The following COL25A1 variants were observed in gnomAD, a reference collection of about 807,000 sequenced individuals.
COL25A1 encodes the protein collagen type XXV alpha 1 chain.
COL25A1 carries 103 observed loss-of-function variants against 128.4 expected under a neutral mutation model. The ratio of observed to expected loss-of-function variants is 0.80; its 90% confidence interval spans 0.68 to 0.94. The LOEUF is 0.94. Ranked by LOEUF, COL25A1 falls within the 40% of genes least tolerant of loss-of-function variation. COL25A1 has a pLI of 0.00. For missense variants in COL25A1, 745 were observed against 840.0 expected (o/e 0.89, Z 1.40); for synonymous variants, 279 against 277.2 (o/e 1.01, Z -0.06).
At chr4:108,984,421 C>G (rs1489888608) in intron 6 of COL25A1, among the ~76,000 whole-genome samples, 1 of 152,068 alleles carries the variant, frequency 6.6e-6, no homozygotes, top group African/African-American at 2.4e-5. Context: ...GTTGATGGGA[C>G]TGGGCGCCCT....
chr4:109,094,912 T>G (rs1765262824), intron 3 of COL25A1, among the ~76,000 whole-genome samples: 1 of 152,182 alleles, frequency 6.6e-6, no homozygotes, highest in African/African-American at 2.4e-5. Context: ...CAAGAACAAA[T>G]CAGCTTAAAT....
intron 6 of COL25A1, among the ~76,000 whole-genome samples, chr4:108,988,901 T>C (rs1033900819): frequency 7.9e-5 from 12 of 152,156 alleles, no homozygotes; most frequent in Non-Finnish European, 1.2e-4. Context: ...TAATTAACCC[T>C]ACCCTCATTT....
chr4:108,901,043 T>A (rs1419524644), intron 14 of COL25A1, 76 bp downstream of exon 14: 1 of 1,171,596 alleles, frequency 8.5e-7, no homozygotes, highest in African/African-American at 1.5e-5. Context: ...TTGTTAAAAA[T>A]TGTATTAAAT....
chr4:108,852,152 G>C, intron 26 of COL25A1, 84 bp downstream of exon 26: 1 of 1,074,736 alleles, frequency 9.3e-7, no homozygotes, highest in Non-Finnish European at 1.4e-6. Context: ...CATTTTGTAA[G>C]ACTGATTTTC....
At chr4:108,949,344 G>C (rs1749130258) in intron 8 of COL25A1, among the ~76,000 whole-genome samples, 2 of 152,006 alleles carry the variant, frequency 1.3e-5, no homozygotes, top group African/African-American at 4.8e-5. Context: ...TTTGAGTGAG[G>C]TATTCTTCTA....
At chr4:108,844,495 A>T in intron 30 of COL25A1, 24 bp downstream of exon 30, 3 of 1,614,088 alleles carry the variant, frequency 1.9e-6, no homozygotes, top group Non-Finnish European at 2.5e-6. Context: ...AAGCAATTAC[A>T]TTTCAGAAAG....
chr4:108,825,204 C>A lies in COL25A1; in HGVS notation c.1783G>T (p.Gly595Cys). 1 of 1,610,814 alleles carries A rather than the reference C, an allele frequency of 6.2e-7. No homozygotes were observed. Residue 595 changes from glycine (G) to cysteine (C), a missense_variant, in exon 34 of 38, where the codon GGT (glycine) becomes TGT (cysteine). Physicochemically the swap from Gly to Cys is radical, Grantham distance 159. Around this residue, in one of 3 missense-constraint regions of COL25A1, gnomAD observed 387 missense variants for 441.9 expected, o/e 0.88. Coordinates refer to ENST00000399132, the MANE Select transcript of COL25A1 (RefSeq NM_198721.4). ...TTGTACTTATTACTTACATCAAGAC[C>A]AGGCTCTCCATCTTTCCCCTGCCAA... The part of the protein sequence containing the change: ...YGLPGKDGEP[G>C]LDGFPGPRGE...
At chr4:109,074,386 A>G (rs1286921899) in intron 3 of COL25A1, among the ~76,000 whole-genome samples, 1 of 152,196 alleles carries the variant, frequency 6.6e-6, no homozygotes, top group African/African-American at 2.4e-5. Flanking sequence ...AAAATAAACA[A>G]TTCTAGTCCC....
intron 26 of COL25A1, 114 bp downstream of exon 26, chr4:108,852,122 G>A: frequency 1.2e-6 from 1 of 803,868 alleles, no homozygotes; most frequent in Non-Finnish European, 2.0e-6. Flanking sequence ...AAACAATACT[G>A]TTGATCTCAG....
At chr4:109,210,033 AGAGT>A (rs1417717397) in intron 3 of COL25A1, among the ~76,000 whole-genome samples, 2 of 151,884 alleles carry the variant, frequency 1.3e-5, no homozygotes, top group African/African-American at 4.8e-5. Flanking sequence ...CCTGGGTGAC[AGAGT>A]GAGACTTCAT....
At chr4:109,043,112 C>T (rs534647100) in intron 5 of COL25A1, among the ~76,000 whole-genome samples, 3 of 107,284 alleles carry the variant, frequency 2.8e-5, no homozygotes, top group African/African-American at 1.6e-4. Flanking sequence ...TGGTCCAATG[C>T]TCACCCTTCT....
rs561799947 is a variant in COL25A1, at chr4:109,251,298, G to A, written c.367+49285C>T. Among the ~76,000 whole-genome samples, 17 of 152,244 alleles carry A rather than the reference G, an allele frequency of 1.1e-4. No homozygotes were observed. In the South Asian group the frequency reaches 3.5e-3, roughly 32 times the overall value. ...CCACCACTCATTCTGTATTCCCTTT[G>A]CCTCCAGCAATCACATTAGCTGACT... On this transcript the variant is annotated intron_variant, in intron 3 of 37. Coordinates refer to ENST00000399132, the MANE Select transcript of COL25A1 (RefSeq NM_198721.4).
intron 3 of COL25A1, among the ~76,000 whole-genome samples, chr4:109,112,810 T>A (rs1767149858): frequency 6.6e-6 from 1 of 152,190 alleles, no homozygotes; most frequent in Non-Finnish European, 1.5e-5. Flanking sequence ...TGTGCAGCAT[T>A]CTTTCTGTTC....
chr4:108,917,830 A>C (rs1367940223), intron 13 of COL25A1, among the ~76,000 whole-genome samples: 1 of 152,214 alleles, frequency 6.6e-6, no homozygotes, highest in Non-Finnish European at 1.5e-5. Context: ...TGACCAGAAT[A>C]AACTAAAGTG....
At chr4:109,018,566 T>C (rs1757420324) in intron 5 of COL25A1, among the ~76,000 whole-genome samples, 1 of 152,166 alleles carries the variant, frequency 6.6e-6, no homozygotes, top group Non-Finnish European at 1.5e-5. Flanking sequence ...GAGTTGCAGT[T>C]TGACCTAGAG....
chr4:109,174,775 A>G lies in COL25A1; in HGVS notation c.368-124596T>C, dbSNP rs117604302. On this transcript the variant is annotated intron_variant, in intron 3 of 37. Transcript: ENST00000399132. ...TTTATTGACTATTGAATGCAAAATT[A>G]AACACTCACCTTTTGTTCTTATAGA... is the stretch of plus-strand genomic sequence containing the variant. Among the ~76,000 whole-genome samples the G allele has an allele frequency of 7.7e-3, 1,173 of 152,286 alleles. 59 individuals are homozygous for G. The South Asian group carries it at 0.14, about 18-fold the overall frequency.
At chr4:109,217,538 G>GC in intron 3 of COL25A1, among the ~76,000 whole-genome samples, 1 of 152,130 alleles carries the variant, frequency 6.6e-6, no homozygotes, top group African/African-American at 2.4e-5. Context: ...CTGAAGCTTT[G>GC]AAATGTATAA....
At chr4:108,846,451 A>G (rs1205144509) in intron 27 of COL25A1, among the ~76,000 whole-genome samples, 1 of 152,214 alleles carries the variant, frequency 6.6e-6, no homozygotes, top group Non-Finnish European at 1.5e-5. Context: ...TGTAAGCATA[A>G]AAAACATGAA....
intron 3 of COL25A1, among the ~76,000 whole-genome samples, chr4:109,105,903 G>T (rs922179847): frequency 6.8e-6 from 1 of 146,932 alleles, no homozygotes; most frequent in Non-Finnish European, 1.5e-5. Context: ...AGTATGGTTA[G>T]TTTCTAGAAG....
Sources: allele counts gnomAD v4.1 joint callset (sites outside exome capture counted in the v4.1 genomes callset), GRCh38; gene constraint gnomAD v4.1.1; regional missense constraint gnomAD v4.1.1; transcripts MANE v1.5; gene names NCBI Gene and HGNC (gene_info 2026-07-23, HGNC 2026-07-21).